Variants in ZNF609 observed in about 807,000 individuals in gnomAD.
ZNF609 encodes the protein zinc finger protein 609.
ZNF609 carries 11 observed loss-of-function variants against 109.5 expected under a neutral mutation model. That is an observed-to-expected ratio of 0.10 (90% CI 0.06 to 0.17). The LOEUF is 0.17. Ranked by LOEUF, ZNF609 falls within the 10% of genes least tolerant of loss-of-function variation. The probability of loss-of-function intolerance (pLI) is 1.00; values close to 1 mark genes in which losing one functional copy is unlikely to be tolerated. For missense variants in ZNF609, 1,559 were observed against 1,772.4 expected (o/e 0.88, Z 2.16); for synonymous variants, 646 against 662.0 (o/e 0.98, Z 0.37).
intron 2 of ZNF609, among the ~76,000 whole-genome samples, chr15:64,560,794 TTTTAA>T (rs1289638769): frequency 1.3e-5 from 2 of 152,336 alleles, no homozygotes; most frequent in African/African-American, 2.4e-5. Context: ...AGAATGTATA[TTTTAA>T]TTTAAGTGCT....
chr15:64,659,573 C>T (rs1045717922), intron 3 of ZNF609, among the ~76,000 whole-genome samples: 1 of 151,940 alleles, frequency 6.6e-6, no homozygotes, highest in Non-Finnish European at 1.5e-5. Flanking sequence ...AAGAGGAGAC[C>T]GAGAAGCAAA....
chr15:64,564,190 C>G (rs936980317), intron 2 of ZNF609, among the ~76,000 whole-genome samples: 1 of 151,238 alleles, frequency 6.6e-6, no homozygotes, highest in African/African-American at 2.4e-5. Context: ...TTAGGCACTT[C>G]GTAGCTGTGT....
At chr15:64,505,580 C>A (rs143792600) in intron 2 of ZNF609, among the ~76,000 whole-genome samples, 2 of 152,278 alleles carry the variant, frequency 1.3e-5, no homozygotes, top group African/African-American at 4.8e-5. Context: ...AGTTTACCGT[C>A]TACAGCAGAG....
Position 64,672,829 on chromosome 15 carries a change from T to C in ZNF609, c.1062-1087T>C, listed in dbSNP as rs551613767. 1.3e-4 allele frequency among the ~76,000 whole-genome samples: 20 copies of C among 150,552 alleles called. No individual in the cohort carries two copies. The East Asian group carries it at 3.9e-3, about 30-fold the overall frequency. ...AAATACAAAAATTAGCTGGGCGTGGTGGCTCATGCCTGTAACCCCAGCTAC... is the reference window on the plus strand; with the variant it reads ...AAATACAAAAATTAGCTGGGCGTGGCGGCTCATGCCTGTAACCCCAGCTAC... On this transcript the variant is annotated intron_variant, in intron 4 of 9. Coordinates refer to ENST00000326648, the MANE Select transcript of ZNF609 (RefSeq NM_015042.2).
At chr15:64,641,898 C>G (rs1315029591) in intron 3 of ZNF609, among the ~76,000 whole-genome samples, 1 of 152,086 alleles carries the variant, frequency 6.6e-6, no homozygotes, top group African/African-American at 2.4e-5. Flanking sequence ...TTGGAAGTAT[C>G]CTCTCTAAAG....
chr15:64,471,334 C>T (rs763195375), intron 1 of ZNF609: 1 of 151,356 alleles, frequency 6.6e-6, no homozygotes, highest in Non-Finnish European at 1.5e-5. Context: ...GTACTCTAGC[C>T]TGGGTGACAG....
At chr15:64,554,264 T>C (rs1894538525) in intron 2 of ZNF609, among the ~76,000 whole-genome samples, 1 of 152,208 alleles carries the variant, frequency 6.6e-6, no homozygotes, top group Non-Finnish European at 1.5e-5. Flanking sequence ...TCCTGGCGTG[T>C]TGAGTGTTTT....
intron 2 of ZNF609, among the ~76,000 whole-genome samples, chr15:64,524,244 G>A (rs949771668): frequency 4.6e-5 from 7 of 152,094 alleles, no homozygotes; most frequent in African/African-American, 1.7e-4. Flanking sequence ...TGTCTCTCTA[G>A]AAATTTCATG....
chr15:64,598,787 T>C (rs1567025023), intron 2 of ZNF609, among the ~76,000 whole-genome samples: 1 of 119,040 alleles, frequency 8.4e-6, no homozygotes. Flanking sequence ...TATATATATA[T>C]CCTGTTATCT....
At chr15:64,511,235 G>A (rs531061734) in intron 2 of ZNF609, among the ~76,000 whole-genome samples, 3 of 152,004 alleles carry the variant, frequency 2.0e-5, no homozygotes, top group African/African-American at 7.2e-5. Context: ...ACTTTGGAAG[G>A]CCGAGGCAGG....
intron 1 of ZNF609, among the ~76,000 whole-genome samples, chr15:64,498,574 G>A (rs759757033): frequency 1.5e-4 from 23 of 152,134 alleles, no homozygotes; most frequent in African/African-American, 4.6e-4. Flanking sequence ...GTGGGAAGTG[G>A]GAAAGGCCAC....
chr15:64,500,275 A>T (rs1341137933), intron 2 of ZNF609, 109 bp downstream of exon 2: 1 of 1,418,396 alleles, frequency 7.1e-7, no homozygotes, highest in Admixed American at 2.0e-5. Flanking sequence ...TGTGTGGGTA[A>T]TGACCAATTA....
intron 1 of ZNF609, among the ~76,000 whole-genome samples, chr15:64,477,375 C>T (rs1365210479): frequency 4.0e-5 from 6 of 151,880 alleles, no homozygotes; most frequent in East Asian, 1.9e-4. Context: ...CTCCTGACCT[C>T]GTGATCCGCC....
chr15:64,665,241 G>A (rs974403637), intron 3 of ZNF609, among the ~76,000 whole-genome samples: 2 of 152,112 alleles, frequency 1.3e-5, no homozygotes, highest in Non-Finnish European at 2.9e-5. Context: ...TAAGGTGAAG[G>A]TAACAGGATA....
intron 3 of ZNF609, among the ~76,000 whole-genome samples, chr15:64,667,078 C>T (rs1036063948): frequency 5.3e-5 from 8 of 151,918 alleles, no homozygotes; most frequent in East Asian, 2.0e-4. Context: ...TATAGTGAGC[C>T]GAGATTCGTG....
chr15:64,604,870 C>T (rs1026875967), intron 2 of ZNF609, among the ~76,000 whole-genome samples: 16 of 152,124 alleles, frequency 1.1e-4, no homozygotes, highest in Admixed American at 7.9e-4. Flanking sequence ...CTCGCTCTAT[C>T]GCCCAGGCTG....
rs565073455 is a variant in ZNF609, at chr15:64,523,762, CA to C, written c.747+23608del. ...TGGGCAACAGAGCAAGACTCCATCTCAAAAAAAAAAAAGAAAAGAAAATCTT... is the reference window on the plus strand; with the variant it reads ...TGGGCAACAGAGCAAGACTCCATCTCAAAAAAAAAAAGAAAAGAAAATCTT... On this transcript the variant is annotated intron_variant, in intron 2 of 9. Transcript: ENST00000326648. 5.3e-3 allele frequency among the ~76,000 whole-genome samples: 665 copies of C among 125,578 alleles called. 1 individual carries two copies. Among genetic ancestry groups the C allele is most frequent in the Admixed American group, 9.0e-3 (112 of 12,486 alleles). 82.4% of individuals were successfully genotyped at this position (125,578 alleles called of 152,430 possible). A position where few individuals can be genotyped will look rare whatever the true frequency, so the allele number is the denominator to read the frequency against.
rs1896781972 is a variant in ZNF609 at position 64,674,640 on chromosome 15, G to A, written c.1786G>A (p.Glu596Lys). ...KGLCKKKLSG[E>K]GDTDLGALSN... is the part of the protein sequence containing the mutation. Reference sequence around the variant, plus strand: ...CCTCTGTAAGAAAAAGTTGAGTGGGGAAGGGGACACAGACCTTGGGGCCTT... The same window carrying A: ...CCTCTGTAAGAAAAAGTTGAGTGGGAAAGGGGACACAGACCTTGGGGCCTT... The change falls in exon 5 of 10, where the codon GAA (glutamate) becomes AAA (lysine). Residue 596 changes from glutamate (E) to lysine (K), a missense_variant. This residue lies in a region of ZNF609 where 1,204 missense variants were observed against 1,314.1 expected (regional missense o/e 0.92). Coordinates refer to ENST00000326648, the MANE Select transcript of ZNF609 (RefSeq NM_015042.2). 1.2e-6 allele frequency: 2 copies of A among 1,614,158 alleles called. No individual in the cohort carries two copies. Among genetic ancestry groups the A allele is most frequent in the Non-Finnish European group, 1.7e-6 (2 of 1,180,040 alleles).
intron 1 of ZNF609, among the ~76,000 whole-genome samples, chr15:64,484,885 A>G (rs1197373081): frequency 6.6e-6 from 1 of 151,938 alleles, no homozygotes; most frequent in African/African-American, 2.4e-5. Context: ...GAGGCAGGAG[A>G]ACCGCTTGAA....
Sources: allele counts gnomAD v4.1 joint callset (sites outside exome capture counted in the v4.1 genomes callset), GRCh38; gene constraint gnomAD v4.1.1; regional missense constraint gnomAD v4.1.1; transcripts MANE v1.5; gene names NCBI Gene and HGNC (gene_info 2026-07-23, HGNC 2026-07-21).